POLN: variants seen among roughly 807,000 people sequenced by gnomAD.
POLN encodes the protein DNA polymerase nu.
POLN carries 108 observed loss-of-function variants against 113.5 expected under a neutral mutation model. That is an observed-to-expected ratio of 0.95 (90% CI 0.81 to 1.12). The LOEUF is 1.12. Among genes scored for constraint, POLN ranks in the 50% most tolerant of loss-of-function variants. The probability of loss-of-function intolerance (pLI) is 0.00; values close to 1 mark genes in which losing one functional copy is unlikely to be tolerated. For missense variants in POLN, 1,097 were observed against 1,077.1 expected (o/e 1.02, Z -0.26); for synonymous variants, 386 against 391.5 (o/e 0.99, Z 0.17).
At chr4:2,116,514 A>T (rs1376972170) in intron 19 of POLN, among the ~76,000 whole-genome samples, 2 of 151,554 alleles carry the variant, frequency 1.3e-5, no homozygotes, top group African/African-American at 2.4e-5. Flanking sequence ...TTTCCAGCTT[A>T]ACTAGAAATT....
At chr4:2,104,547 G>A (rs189608734) in intron 19 of POLN, among the ~76,000 whole-genome samples, 1 of 152,320 alleles carries the variant, frequency 6.6e-6, no homozygotes, top group East Asian at 1.9e-4. Context: ...AAAGCAGGAA[G>A]GAAGATCAGT....
In POLN at chr4:2,073,052, G is replaced by A. The variant is rs376096714; in HGVS notation, c.2456-23C>T. 3.8e-5 allele frequency: 61 copies of A among 1,611,274 alleles called. 1 individual carries two copies. The African/African-American group carries it at 6.7e-4, about 18-fold the overall frequency. ...GAGCTAGAGTGCGGAAGAGAGAGGA[G>A]GCCCTGCTGGTCTCTTGGCCTTGGG... On this transcript the variant is annotated intron_variant, in intron 24 of 25. Transcript: ENST00000511885.
rs542701552 is a variant in POLN, at chr4:2,105,647, C to T, written c.1983-9714G>A. On this transcript the variant is annotated intron_variant, in intron 19 of 25. Coordinates refer to ENST00000511885, the MANE Select transcript of POLN (RefSeq NM_181808.4). ...CAGAAATAGGGAATAACTGGTATAA[C>T]ACAAGGCAGAGAGGGGGAGCTGAAA... Among the ~76,000 whole-genome samples, 42 of 152,172 alleles carry T rather than the reference C, an allele frequency of 2.8e-4. No individual in the cohort carries two copies. In the South Asian group the frequency reaches 8.5e-3, roughly 31 times the overall value.
At chr4:2,080,374 C>T (rs1014333877) in intron 23 of POLN, 2 of 1,019,238 alleles carry the variant, frequency 2.0e-6, no homozygotes, top group Admixed American at 6.0e-5. Flanking sequence ...GGAGCCCCCC[C>T]CCACCAAGGC....
intron 23 of POLN, chr4:2,076,901 G>A (rs982140004): frequency 3.9e-5 from 6 of 152,414 alleles, no homozygotes; most frequent in African/African-American, 1.4e-4. Context: ...TTGCTGGGTG[G>A]GGTGGAGGTG....
Position 2,170,712 on chromosome 4 carries a change from C to T in POLN, c.1521G>A (p.Gly507=). 2 of 1,614,154 alleles carry T rather than the reference C, an allele frequency of 1.2e-6. No homozygotes were observed. The change falls in exon 13 of 26, where the codon GGG becomes GGA. Residue 507 remains glycine (G), a synonymous_variant. Transcript: ENST00000511885. ...CTGATGTAGACGGGTATTTCTGCAA[C>T]CCCGTTCTGGGGAGACTGTTCCTTT... ...LSQRNSLPRT[G]LQKYPSTSEA...
At chr4:2,073,172 A>G in intron 24 of POLN, 143 bp from the exon 25 acceptor site, 1 of 732,854 alleles carries the variant, frequency 1.4e-6, no homozygotes, top group Non-Finnish European at 2.3e-6. Context: ...CACCTGAACC[A>G]GCTGTGGGAC....
intron 3 of POLN, among the ~76,000 whole-genome samples, chr4:2,220,685 C>T (rs1734232361): frequency 6.6e-6 from 1 of 152,186 alleles, no homozygotes; most frequent in Non-Finnish European, 1.5e-5. Flanking sequence ...GTAGCTACTC[C>T]TGCTAGTTAG....
chr4:2,120,359 T>C (rs1731409805), intron 19 of POLN, among the ~76,000 whole-genome samples: 1 of 152,156 alleles, frequency 6.6e-6, no homozygotes, highest in Non-Finnish European at 1.5e-5. Flanking sequence ...ATTATTTGTA[T>C]GTTGAGTCTT....
intron 3 of POLN, chr4:2,228,884 C>A: frequency 2.5e-6 from 1 of 403,340 alleles, no homozygotes; most frequent in Non-Finnish European, 4.4e-6. Flanking sequence ...ACAGAAATAC[C>A]TGGAATAAGG....
Position 2,207,707 on chromosome 4 carries a change from G to A in POLN, c.714+280C>T, listed in dbSNP as rs35990075. On this transcript the variant is annotated intron_variant, in intron 5 of 25. Transcript: ENST00000511885. ...AATACCACTTCGGAATCACTGGAAT[G>A]GCTAAAAAAACAGACAACAACATGT... Among the ~76,000 whole-genome samples the A allele has an allele frequency of 7.9e-3, 1,197 of 152,198 alleles. 18 individuals are homozygous for A. The highest frequency in any genetic ancestry group is 0.027 in the African/African-American group (1,138 of 41,518).
At chr4:2,176,434 A>G in intron 8 of POLN, 100 bp from the exon 9 acceptor site, 2 of 926,218 alleles carry the variant, frequency 2.2e-6, no homozygotes. Flanking sequence ...TTCCTAGTAA[A>G]ATCCCATGAG....
intron 6 of POLN, among the ~76,000 whole-genome samples, chr4:2,194,628 T>C (rs1200393813): frequency 6.6e-6 from 1 of 152,162 alleles, no homozygotes; most frequent in African/African-American, 2.4e-5. Flanking sequence ...ACTCAAGAGT[T>C]CTGTGATGAG....
chr4:2,076,287 A>C (rs1730273503), intron 23 of POLN: 1 of 152,756 alleles, frequency 6.5e-6, no homozygotes, highest in Non-Finnish European at 1.5e-5. Context: ...CTGGCCACAC[A>C]GACCGCACTG....
At chr4:2,232,329 T>C (rs1734611943) in intron 2 of POLN, among the ~76,000 whole-genome samples, 1 of 151,558 alleles carries the variant, frequency 6.6e-6, no homozygotes, top group South Asian at 2.1e-4. Flanking sequence ...ATATAAATTC[T>C]AAGTAAGATT....
intron 22 of POLN, chr4:2,081,248 G>A (rs1730410096): frequency 6.8e-7 from 1 of 1,466,870 alleles, no homozygotes; most frequent in Non-Finnish European, 9.2e-7. Flanking sequence ...TGGGTTTTGG[G>A]TGCCTTACTC....
At chr4:2,226,744 A>C (rs1734404574) in intron 3 of POLN, among the ~76,000 whole-genome samples, 1 of 152,240 alleles carries the variant, frequency 6.6e-6, no homozygotes, top group African/African-American at 2.4e-5. Context: ...TGTTTGTAAA[A>C]GTAAATATGT....
chr4:2,078,055 C>G (rs1246989917), intron 23 of POLN, among the ~76,000 whole-genome samples: 14 of 152,250 alleles, frequency 9.2e-5, no homozygotes, highest in African/African-American at 3.4e-4. Flanking sequence ...TGTTGCCTGT[C>G]TGGGGCCTGC....
At chr4:2,241,956 A>G in intron 1 of POLN, 95 bp downstream of exon 1, 1 of 985,506 alleles carries the variant, frequency 1.0e-6, no homozygotes, top group Non-Finnish European at 1.2e-6. Context: ...CCAGGAGCGC[A>G]GGAAAAAAAA....
Sources: allele counts gnomAD v4.1 joint callset (sites outside exome capture counted in the v4.1 genomes callset), GRCh38; gene constraint gnomAD v4.1.1; transcripts MANE v1.5; gene names NCBI Gene and HGNC (gene_info 2026-07-23, HGNC 2026-07-21).